The following UBQLN4 variants were observed in gnomAD, a reference collection of about 807,000 sequenced individuals.
UBQLN4 encodes ubiquilin-4.
In UBQLN4, 11 loss-of-function variants were observed where a neutral mutation model predicts 60.4. That is an observed-to-expected ratio of 0.18 (90% CI 0.11 to 0.30). UBQLN4 has a LOEUF of 0.30. UBQLN4 is among the 10% of genes least tolerant of loss of function. UBQLN4 has a pLI of 1.00. For missense variants in UBQLN4, 417 were observed against 795.5 expected (o/e 0.52, Z 5.72); for synonymous variants, 258 against 313.1 (o/e 0.82, Z 1.86).
chr1:156,031,502 C>G (rs1455219755), downstream of UBQLN4, among the ~76,000 whole-genome samples: 1 of 151,940 alleles, frequency 6.6e-6, no homozygotes, highest in Non-Finnish European at 1.5e-5. Flanking sequence ...GTTAGCCACT[C>G]GATTCTTATT....
At chr1:156,043,087 G>C (rs1683610897) in intron 6 of UBQLN4, among the ~76,000 whole-genome samples, 174 bp from the exon 7 acceptor site, 1 of 152,194 alleles carries the variant, frequency 6.6e-6, no homozygotes, top group South Asian at 2.1e-4. Context: ...CCAAGTCCAA[G>C]GTCATCTTGC....
intron 10 of UBQLN4, among the ~76,000 whole-genome samples, chr1:156,039,798 G>A (rs1018914802): frequency 2.0e-5 from 3 of 151,668 alleles, no homozygotes; most frequent in African/African-American, 7.3e-5. Context: ...TTAGCCGGGC[G>A]TGGTGGTGGG....
rs1458456220 is a variant in UBQLN4, at chr1:156,036,053, A to G, written c.*925T>C. 4 of 985,628 alleles carry G rather than the reference A, an allele frequency of 4.1e-6. No homozygotes were observed. The highest frequency in any genetic ancestry group is 4.8e-6 in the Non-Finnish European group (4 of 829,956). 61.1% of individuals were successfully genotyped at this position (985,628 alleles called of 1,614,324 possible). ...TGTGTGTGTGTGTGCATATAAGCAC[A>G]TATGCTTGAGGAACTAAAGCCAATA... On this transcript the variant is annotated 3_prime_UTR_variant, in exon 11 of 11. Transcript: ENST00000368309.
Position 156,050,573 on chromosome 1 carries a change from T to C in UBQLN4, c.479-20A>G. On this transcript the variant is annotated intron_variant, in intron 3 of 10. Coordinates refer to ENST00000368309, the MANE Select transcript of UBQLN4 (RefSeq NM_020131.5). This position sits in a 1 kb window ranked among gnomAD's most constrained non-coding sequence, Gnocchi z 4.6. ...AGCCAGCTGTGGGAAGGGGGCAGGG[T>C]CACAGTCTGCCACAAGAACAGTGTC... 1 of 1,592,400 alleles carries C rather than the reference T, an allele frequency of 6.3e-7. No individual in the cohort carries two copies. The highest frequency in any genetic ancestry group is 8.6e-7 in the Non-Finnish European group (1 of 1,168,062).
Position 156,037,150 on chromosome 1 carries a change from TGAAGTGGG to T in UBQLN4, c.1654-28_1654-21del. 6.2e-7 allele frequency: 1 copy of T among 1,612,380 alleles called. No individual in the cohort carries two copies. ...CTGCACCTGGAGGGGACAGGCCTTG[TGAAGTGGG>T]CACAGGACCAATCTTGGGGGCCCTA... On this transcript the variant is annotated intron_variant, in intron 10 of 10. Coordinates refer to ENST00000368309, the MANE Select transcript of UBQLN4 (RefSeq NM_020131.5).
Position 156,041,853 on chromosome 1 carries a change from C to T in UBQLN4, c.1466+19G>A. ...GAAGTTGCTAGAACCTTGCTGCCCT[C>T]CTGCCCCCCTACCCTCACCTGGGTA... On this transcript the variant is annotated intron_variant, in intron 9 of 10. Coordinates refer to ENST00000368309, the MANE Select transcript of UBQLN4 (RefSeq NM_020131.5). 1 of 1,589,758 alleles carries T rather than the reference C, an allele frequency of 6.3e-7. No individual in the cohort carries two copies. The highest frequency in any genetic ancestry group is 1.1e-5 in the South Asian group (1 of 88,264).
At chr1:156,043,402 G>T (rs559294781) in intron 6 of UBQLN4, among the ~76,000 whole-genome samples, 1 of 152,230 alleles carries the variant, frequency 6.6e-6, no homozygotes, top group South Asian at 2.1e-4. Flanking sequence ...GGATGCAGGA[G>T]CACAATTTTA....
In UBQLN4 at chr1:156,044,160, G is replaced by C; in HGVS notation, c.964C>G (p.Arg322Gly). ...NSDSSSSQPL[R>G]TENREPLPNP... ...GGGAGGGGCTCTCGATTCTCAGTCC[G>C]CAGAGGCTGGGAGGATGAGCTGTCG... The change falls in exon 6 of 11, where the codon CGG becomes GGG. Residue 322 changes from arginine (R) to glycine (G), a missense_variant. Transcript: ENST00000368309. 1 of 1,577,202 alleles carries C rather than the reference G, an allele frequency of 6.3e-7. No homozygotes were observed. Among genetic ancestry groups the C allele is most frequent in the Non-Finnish European group, 8.6e-7 (1 of 1,161,336 alleles).
At position 156,048,690 on chromosome 1, in the gene UBQLN4, C is replaced by T. The variant is rs200846822; in HGVS notation, c.742-31G>A. ...CAAGGGAGAGAGACAAAATGGGCCC[C>T]GGAACCAGGGGAGCACCAACCTAGG... On this transcript the variant is annotated intron_variant, in intron 4 of 10. Transcript: ENST00000368309. This position sits in a 1 kb window ranked among gnomAD's most constrained non-coding sequence, Gnocchi z 4.9. 116 of 1,601,488 alleles carry T rather than the reference C, an allele frequency of 7.2e-5. No individual in the cohort carries two copies. Among genetic ancestry groups the T allele is most frequent in the South Asian group, 2.9e-4 (26 of 90,632 alleles).
chr1:156,046,744 A>T (rs1325227470), intron 5 of UBQLN4, among the ~76,000 whole-genome samples: 1 of 151,630 alleles, frequency 6.6e-6, no homozygotes, highest in Non-Finnish European at 1.5e-5. Context: ...CAGAAAGCTG[A>T]GGCAGGAGAC....
At chr1:156,039,050 C>T (rs1480913568) in intron 10 of UBQLN4, among the ~76,000 whole-genome samples, 1 of 151,950 alleles carries the variant, frequency 6.6e-6, no homozygotes, top group African/African-American at 2.4e-5. Flanking sequence ...CCTTGGCCTC[C>T]CAAAATGTTG....
intron 2 of UBQLN4, 145 bp downstream of exon 2, chr1:156,051,561 C>T: frequency 1.6e-6 from 2 of 1,267,818 alleles, no homozygotes; most frequent in Non-Finnish European, 2.2e-6. Flanking sequence ...AGGTTCCCTT[C>T]CCCTAGAGAT....
chr1:156,041,574 C>T lies in UBQLN4; in HGVS notation c.1564G>A (p.Ala522Thr). 1 of 1,613,086 alleles carries T rather than the reference C, an allele frequency of 6.2e-7. No homozygotes were observed. Among genetic ancestry groups the T allele is most frequent in the East Asian group, 2.2e-5 (1 of 44,796 alleles). Residue 522 changes from alanine to threonine, a missense_variant, in exon 10 of 11, where the codon GCC becomes ACC. Physicochemically the swap from Ala to Thr is moderately conservative, Grantham distance 58. Transcript: ENST00000368309. ...GAAGCCCCTGTTGGAGAAGATGTGG[C>T]TGGCGTGGCTGGTGAGGAAGTGGGG... ...EAPTSSPATP[A>T]TSSPTGASSA... is the part of the protein sequence containing the mutation.
chr1:156,051,030 A>ACTC, intron 3 of UBQLN4, 80 bp downstream of exon 3: 1 of 1,367,402 alleles, frequency 7.3e-7, no homozygotes, highest in Non-Finnish European at 1.0e-6. Context: ...AGGAGCAGGA[A>ACTC]CTCCTGTTTC....
intron 6 of UBQLN4, among the ~76,000 whole-genome samples, 200 bp from the exon 7 acceptor site, chr1:156,043,113 C>T (rs972821004): frequency 1.3e-5 from 2 of 152,194 alleles, no homozygotes; most frequent in Non-Finnish European, 2.9e-5. Flanking sequence ...TTTGGCCTGG[C>T]CCCTTTTCCA....
Position 156,035,698 on chromosome 1 carries a change from C to A in UBQLN4, c.*1280G>T. On this transcript the variant is annotated 3_prime_UTR_variant, in exon 11 of 11. Transcript: ENST00000368309. Reference sequence around the variant, plus strand: ...AAGGCAGTGAGGGGTGATAAGGGTGCTAGTCACAGCCCTGACAGCTTCAGA... The same window carrying A: ...AAGGCAGTGAGGGGTGATAAGGGTGATAGTCACAGCCCTGACAGCTTCAGA... 3.0e-6 allele frequency: 3 copies of A among 984,794 alleles called. No individual in the cohort carries two copies. Among genetic ancestry groups the A allele is most frequent in the Non-Finnish European group, 3.6e-6 (3 of 829,474 alleles). 61.0% of individuals were successfully genotyped at this position (984,794 alleles called of 1,614,324 possible).
Position 156,053,175 on chromosome 1 carries a change from C to G in UBQLN4, c.108+419G>C, listed in dbSNP as rs1181046674. ...TGGGCACAGGGAAATCCTCCCCCGACAGCCCCGTCGCTCAGAGAACACTGG... is the reference window on the plus strand; with the variant it reads ...TGGGCACAGGGAAATCCTCCCCCGAGAGCCCCGTCGCTCAGAGAACACTGG... On this transcript the variant is annotated intron_variant, in intron 1 of 10. Coordinates refer to ENST00000368309, the MANE Select transcript of UBQLN4 (RefSeq NM_020131.5). Among the ~76,000 whole-genome samples the G allele has an allele frequency of 2.0e-5, 3 of 152,330 alleles. No homozygotes were observed. In the East Asian group the frequency reaches 5.8e-4, roughly 29 times the overall value.
At chr1:156,032,943 AGAG>A (rs1230031647), downstream of UBQLN4, among the ~76,000 whole-genome samples, 6 of 152,176 alleles carry the variant, frequency 3.9e-5, no homozygotes, top group Admixed American at 3.9e-4. Flanking sequence ...AGGATGAGGA[AGAG>A]GAGGAGGACC....
intron 10 of UBQLN4, among the ~76,000 whole-genome samples, chr1:156,040,049 C>T (rs1683513841): frequency 6.6e-6 from 1 of 151,854 alleles, no homozygotes; most frequent in Non-Finnish European, 1.5e-5. Flanking sequence ...ACAGGACTTG[C>T]CTGGGGTCAC....
Sources: gnomAD v4.1 joint callset for allele counts (sites outside exome capture counted in the v4.1 genomes callset) on GRCh38, gnomAD v4.1.1 for gene constraint, Gnocchi (gnomAD v3.1) non-coding constraint, MANE v1.5 for transcripts, NCBI Gene and HGNC (gene_info 2026-07-23, HGNC 2026-07-21) for gene names.